Variants in SPOCK3 observed in about 807,000 individuals in gnomAD.
SPOCK3 encodes the protein testican-3.
Under a neutral mutation model 56.6 loss-of-function variants are expected in SPOCK3, and 30 were observed. The observed-to-expected ratio is 0.53, with a 90% CI of 0.40 to 0.72. The LOEUF (loss-of-function observed/expected upper bound fraction) is 0.72. Ranked by LOEUF, SPOCK3 falls within the 30% of genes least tolerant of loss-of-function variation. The pLI is 0.00. For synonymous variants in SPOCK3, 196 were observed against 183.3 expected, an observed-to-expected ratio of 1.07 and a Z score of -0.56; for missense variants, 527 against 530.0, an observed-to-expected ratio of 0.99 and a Z score of 0.06.
At chr4:166,948,366 T>C (rs1200207642) in intron 4 of SPOCK3, among the ~76,000 whole-genome samples, 1 of 148,728 alleles carries the variant, frequency 6.7e-6, no homozygotes, top group African/African-American at 2.6e-5. Context: ...TTCTTTTGAA[T>C]ATATAACCCA....
intron 2 of SPOCK3, among the ~76,000 whole-genome samples, chr4:167,106,710 GT>G (rs34725928): frequency 0.44 from 61,914 of 140,480 alleles, 14,248 homozygotes; most frequent in African/African-American, 0.6. Context: ...ACAAAAAGTT[GT>G]TTTTTTTTTT....
chr4:167,170,471 T>C (rs1427746893), intron 2 of SPOCK3, among the ~76,000 whole-genome samples: 3 of 152,192 alleles, frequency 2.0e-5, no homozygotes, highest in African/African-American at 7.2e-5. Context: ...CTAACATTTA[T>C]TGAGCAATTT....
chr4:167,065,030 C>A (rs1399739953), intron 2 of SPOCK3, among the ~76,000 whole-genome samples: 1 of 59,838 alleles, frequency 1.7e-5, no homozygotes, highest in Non-Finnish European at 2.9e-5. Context: ...AAATCCAATG[C>A]CCTCTCCAAA....
In SPOCK3 at chr4:166,734,969, A is replaced by G; in HGVS notation, c.1254T>C (p.Asp418=). 2 of 1,516,418 alleles carry G rather than the reference A, an allele frequency of 1.3e-6. No individual in the cohort carries two copies. Among genetic ancestry groups the G allele is most frequent in the Non-Finnish European group, 1.8e-6 (2 of 1,092,254 alleles). 93.9% of individuals were successfully genotyped at this position (1,516,418 alleles called of 1,614,324 possible). A position where few individuals can be genotyped will look rare whatever the true frequency, so the allele number is the denominator to read the frequency against. The change falls in exon 11 of 11, where the codon GAT becomes GAC. Residue 418 remains aspartate (D), a synonymous_variant. Transcript: ENST00000357545. ...CACCACCATCATCATCATCCCCTTC[A>G]TCTTCATCATCATCTTCAATTTCAT... ...DEDEIEDDDE[D]EGDDDDGGDD... is the part of the protein sequence containing the mutation.
intron 4 of SPOCK3, among the ~76,000 whole-genome samples, chr4:166,969,930 T>A (rs936548562): frequency 7.9e-5 from 12 of 152,166 alleles, no homozygotes; most frequent in African/African-American, 2.4e-4. Flanking sequence ...TTGATAAAAA[T>A]GCATTATGTT....
rs1746272096 is a variant in SPOCK3 at position 166,978,895 on chromosome 4, T to A, written c.350+21454A>T. On this transcript the variant is annotated intron_variant, in intron 4 of 10. Transcript: ENST00000357545. The stretch of plus-strand genomic sequence containing the variant: ...TGTTCAGAAGACATCAAAAACATTT[T>A]TATTTCCAGAAAAGGGATATGAGTG... Among the ~76,000 whole-genome samples, 3 of 152,336 alleles carry A rather than the reference T, an allele frequency of 2.0e-5. No homozygotes were observed. In the South Asian group the frequency reaches 6.2e-4, roughly 32 times the overall value.
At chr4:166,807,180 C>T (rs1410097902) in intron 6 of SPOCK3, among the ~76,000 whole-genome samples, 1 of 151,818 alleles carries the variant, frequency 6.6e-6, no homozygotes, top group Non-Finnish European at 1.5e-5. Context: ...TACTTTGTTG[C>T]TGAGTTTTGC....
At chr4:166,925,084 T>A in intron 4 of SPOCK3, among the ~76,000 whole-genome samples, 1 of 152,158 alleles carries the variant, frequency 6.6e-6, no homozygotes, top group Non-Finnish European at 1.5e-5. Context: ...TGCTTATATA[T>A]TACTATGGCA....
At chr4:166,905,644 A>G (rs1402400473) in intron 5 of SPOCK3, among the ~76,000 whole-genome samples, 1 of 151,996 alleles carries the variant, frequency 6.6e-6, no homozygotes, top group South Asian at 2.1e-4. Flanking sequence ...AGTCCTAACC[A>G]AAACCTAAGG....
intron 6 of SPOCK3, among the ~76,000 whole-genome samples, chr4:166,829,788 A>C (rs1745846525): frequency 1.3e-5 from 2 of 151,988 alleles, no homozygotes; most frequent in Non-Finnish European, 2.9e-5. Context: ...ATTTTTTCCC[A>C]CTTACTGTTT....
chr4:167,098,549 C>A (rs1759361198), intron 2 of SPOCK3, among the ~76,000 whole-genome samples: 1 of 151,922 alleles, frequency 6.6e-6, no homozygotes, highest in Non-Finnish European at 1.5e-5. Context: ...GGAAAGTATT[C>A]CATATTTACA....
intron 3 of SPOCK3, among the ~76,000 whole-genome samples, chr4:167,001,564 C>G (rs918096074): frequency 5.9e-5 from 9 of 151,982 alleles, no homozygotes; most frequent in Non-Finnish European, 1.0e-4. Flanking sequence ...ACTTTTTTGG[C>G]TATTGTAAAT....
chr4:167,188,491 A>G (rs1343073423), intron 2 of SPOCK3, among the ~76,000 whole-genome samples: 1 of 146,222 alleles, frequency 6.8e-6, no homozygotes, highest in Non-Finnish European at 1.5e-5. Context: ...AAAAAAGTGG[A>G]CAATAGATGA....
At chr4:166,918,923 G>T (rs962469273) in intron 4 of SPOCK3, among the ~76,000 whole-genome samples, 1 of 152,024 alleles carries the variant, frequency 6.6e-6, no homozygotes, top group Non-Finnish European at 1.5e-5. Flanking sequence ...TATTTAAAGA[G>T]CCTGGCCTCT....
intron 2 of SPOCK3, among the ~76,000 whole-genome samples, chr4:167,226,286 T>C (rs1178412640): frequency 6.6e-6 from 1 of 152,150 alleles, no homozygotes; most frequent in Non-Finnish European, 1.5e-5. Flanking sequence ...ACTCTACTAC[T>C]TACTACCAAA....
intron 2 of SPOCK3, among the ~76,000 whole-genome samples, chr4:167,198,036 T>A (rs1393336181): frequency 6.6e-6 from 1 of 152,110 alleles, no homozygotes; most frequent in Non-Finnish European, 1.5e-5. Context: ...TCCATCTTTA[T>A]GATATATAAA....
At chr4:166,780,162 A>G (rs1356214246) in intron 7 of SPOCK3, among the ~76,000 whole-genome samples, 1 of 152,176 alleles carries the variant, frequency 6.6e-6, no homozygotes, top group African/African-American at 2.4e-5. Context: ...GTCCTAGAGC[A>G]ATACAGTAAC....
intron 2 of SPOCK3, among the ~76,000 whole-genome samples, chr4:167,075,520 A>C (rs1348954207): frequency 6.6e-6 from 1 of 151,966 alleles, no homozygotes; most frequent in Non-Finnish European, 1.5e-5. Context: ...TTCAACCAAT[A>C]ATAAAATGTC....
At chr4:166,960,128 T>G (rs530297195) in intron 4 of SPOCK3, among the ~76,000 whole-genome samples, 1 of 152,308 alleles carries the variant, frequency 6.6e-6, no homozygotes, top group East Asian at 1.9e-4. Flanking sequence ...AATGTTTGAT[T>G]TGAAAAGTAA....
Sources: gnomAD v4.1 joint callset for allele counts (sites outside exome capture counted in the v4.1 genomes callset) on GRCh38, gnomAD v4.1.1 for gene constraint, MANE v1.5 for transcripts, NCBI Gene and HGNC (gene_info 2026-07-23, HGNC 2026-07-21) for gene names.